Variants in DCDC2 observed in about 807,000 individuals in gnomAD.
The protein encoded by DCDC2 is doublecortin domain containing 2.
A neutral mutation model predicts 50.2 loss-of-function variants in DCDC2; 40 were observed. The ratio of observed to expected loss-of-function variants is 0.80; its 90% confidence interval spans 0.62 to 1.04. The LOEUF (loss-of-function observed/expected upper bound fraction) is 1.04, where lower values mean the gene tolerates loss of function less well. Ranked by LOEUF, DCDC2 falls within the 50% of genes least tolerant of loss-of-function variation. DCDC2 has a pLI of 0.00. For missense variants in DCDC2, 570 were observed against 581.9 expected (o/e 0.98, Z 0.21); for synonymous variants, 234 against 210.6 (o/e 1.11, Z -0.96).
chr6:24,334,577 T>G (rs1760023376), intron 2 of DCDC2, among the ~76,000 whole-genome samples: 1 of 152,174 alleles, frequency 6.6e-6, no homozygotes, highest in South Asian at 2.1e-4. Context: ...AAAGCCTAAG[T>G]TATTTACTAT....
chr6:24,314,862 G>C (rs1759633289), intron 2 of DCDC2, among the ~76,000 whole-genome samples: 1 of 152,148 alleles, frequency 6.6e-6, no homozygotes. Flanking sequence ...CTGCTAACTT[G>C]CATTGTTCTA....
At chr6:24,361,883 C>G (rs190785817), upstream of DCDC2, among the ~76,000 whole-genome samples, 1 of 152,122 alleles carries the variant, frequency 6.6e-6, no homozygotes, top group Admixed American at 6.6e-5. Flanking sequence ...ATTCATTTAT[C>G]CAGATGTCTC....
At chr6:24,322,301 T>A (rs1325555397) in intron 2 of DCDC2, among the ~76,000 whole-genome samples, 1 of 152,194 alleles carries the variant, frequency 6.6e-6, no homozygotes. Context: ...TAAATTCTCA[T>A]CAGATGGGTT....
intron 7 of DCDC2, among the ~76,000 whole-genome samples, chr6:24,266,023 A>G (rs1403269578): frequency 6.6e-6 from 1 of 152,074 alleles, no homozygotes; most frequent in African/African-American, 2.4e-5. Flanking sequence ...AGAACAGAGA[A>G]CCCAGAAATA....
At chr6:24,200,802 A>G (rs1761569854) in intron 8 of DCDC2, among the ~76,000 whole-genome samples, 1 of 152,078 alleles carries the variant, frequency 6.6e-6, no homozygotes, top group Non-Finnish European at 1.5e-5. Flanking sequence ...GGATGGAGGA[A>G]TATTTACCAA....
At chr6:24,266,974 T>TA (rs1581621030) in intron 7 of DCDC2, among the ~76,000 whole-genome samples, 1 of 151,944 alleles carries the variant, frequency 6.6e-6, no homozygotes, top group African/African-American at 2.4e-5. Flanking sequence ...TATCAACCCA[T>TA]AAAAAAAGAA....
At chr6:24,353,948 T>C (rs756694154) in intron 1 of DCDC2, among the ~76,000 whole-genome samples, 13 of 152,094 alleles carry the variant, frequency 8.5e-5, no homozygotes, top group Non-Finnish European at 2.9e-5. Context: ...TTTAAAAGAG[T>C]GGCTTATGTG....
At chr6:24,277,099 CTG>C (rs1273841937) in intron 7 of DCDC2, among the ~76,000 whole-genome samples, 1 of 152,214 alleles carries the variant, frequency 6.6e-6, no homozygotes, top group Admixed American at 6.5e-5. Context: ...GGAGTTCAAA[CTG>C]TCTCCTCAGC....
At chr6:24,198,950 C>T (rs1761512311) in intron 8 of DCDC2, among the ~76,000 whole-genome samples, 1 of 152,206 alleles carries the variant, frequency 6.6e-6, no homozygotes, top group Admixed American at 6.5e-5. Flanking sequence ...AGCCAGACTG[C>T]CTCTCTAGAT....
intron 2 of DCDC2, among the ~76,000 whole-genome samples, chr6:24,321,628 A>G (rs760881783): frequency 4.6e-5 from 7 of 152,208 alleles, no homozygotes; most frequent in Non-Finnish European, 1.0e-4. Context: ...AACACTACTT[A>G]GGCCTTTTGT....
the DCDC2 span, among the ~76,000 whole-genome samples, chr6:24,375,930 A>G: frequency 6.6e-6 from 1 of 152,170 alleles, no homozygotes; most frequent in Non-Finnish European, 1.5e-5. Context: ...TCTCAGCTGT[A>G]TCTATCACTG....
At chr6:24,285,409 T>C (rs1223320218) in intron 6 of DCDC2, among the ~76,000 whole-genome samples, 1 of 152,220 alleles carries the variant, frequency 6.6e-6, no homozygotes, top group Non-Finnish European at 1.5e-5. Context: ...TCTTTCATAT[T>C]ACTGTGCACT....
At chr6:24,364,336 G>A in the DCDC2 span, among the ~76,000 whole-genome samples, 1 of 152,156 alleles carries the variant, frequency 6.6e-6, no homozygotes, top group Admixed American at 6.6e-5. Context: ...TCAAAGGCAT[G>A]AGCATAACAT....
chr6:24,202,244 G>A (rs1273657780), intron 8 of DCDC2, among the ~76,000 whole-genome samples: 1 of 152,094 alleles, frequency 6.6e-6, no homozygotes, highest in Non-Finnish European at 1.5e-5. Context: ...TAAAATACTG[G>A]CAAACCGAAT....
chr6:24,360,455 C>T (rs529406381), upstream of DCDC2, among the ~76,000 whole-genome samples: 2 of 152,240 alleles, frequency 1.3e-5, no homozygotes, highest in South Asian at 4.1e-4. Flanking sequence ...TTTTCACTGC[C>T]GCAAGAAGGC....
rs190044030 is a variant in DCDC2 at position 24,274,150 on chromosome 6, C to G, written c.922+3899G>C. Among the ~76,000 whole-genome samples, 148 of 152,298 alleles carry G rather than the reference C, an allele frequency of 9.7e-4. 2 individuals are homozygous for G. The highest frequency in any genetic ancestry group is 3.4e-3 in the African/African-American group (141 of 41,566). On this transcript the variant is annotated intron_variant, in intron 7 of 9. Coordinates refer to ENST00000378454, the MANE Select transcript of DCDC2 (RefSeq NM_016356.5). ...TCAATACAATGTAAGTCAAAGAGAC[C>G]AGGCCATTTTCTCTGCAGCCCTTTC... is the stretch of plus-strand genomic sequence containing the variant.
the DCDC2 span, among the ~76,000 whole-genome samples, chr6:24,371,603 C>G: frequency 1.3e-5 from 2 of 151,896 alleles, no homozygotes; most frequent in African/African-American, 4.8e-5. Flanking sequence ...GAGACCTCAT[C>G]TGAAAAAAAA....
intron 7 of DCDC2, among the ~76,000 whole-genome samples, chr6:24,243,718 C>T (rs916090497): frequency 6.6e-6 from 1 of 152,040 alleles, no homozygotes; most frequent in Non-Finnish European, 1.5e-5. Flanking sequence ...GCTGATTGTG[C>T]CAACCTTTGG....
chr6:24,273,980 T>C (rs1046389247), intron 7 of DCDC2, among the ~76,000 whole-genome samples: 4 of 152,164 alleles, frequency 2.6e-5, no homozygotes, highest in Admixed American at 6.5e-5. Flanking sequence ...TAAACCAGGA[T>C]TTGCATCAAG....
Sources: allele counts gnomAD v4.1 joint callset (sites outside exome capture counted in the v4.1 genomes callset), GRCh38; gene constraint gnomAD v4.1.1; transcripts MANE v1.5; gene names NCBI Gene and HGNC (gene_info 2026-07-23, HGNC 2026-07-21).